The following PKD1L1 variants were observed in gnomAD, a reference collection of about 807,000 sequenced individuals.
The protein encoded by PKD1L1 is polycystin-1-like protein 1.
A neutral mutation model predicts 323.4 loss-of-function variants in PKD1L1; 236 were observed. That is an observed-to-expected ratio of 0.73 (90% CI 0.66 to 0.81). The LOEUF (loss-of-function observed/expected upper bound fraction) is 0.81, where lower values mean the gene tolerates loss of function less well. Among genes scored for constraint, PKD1L1 ranks in the 40% least tolerant of loss-of-function variants. PKD1L1 has a pLI of 0.00. For missense variants in PKD1L1, 3,320 were observed against 3,508.0 expected (o/e 0.95, Z 1.35); for synonymous variants, 1,344 against 1,335.0 (o/e 1.01, Z -0.15).
intron 24 of PKD1L1, among the ~76,000 whole-genome samples, chr7:47,870,903 G>A (rs1404617771): frequency 6.7e-6 from 1 of 149,236 alleles, no homozygotes; most frequent in Non-Finnish European, 1.5e-5. Context: ...AGCCTAGGAG[G>A]TCAAGGCTGC....
chr7:47,836,309 G>T (rs895925533), intron 37 of PKD1L1, among the ~76,000 whole-genome samples: 1 of 152,144 alleles, frequency 6.6e-6, no homozygotes, highest in African/African-American at 2.4e-5. Context: ...GCCACACTAC[G>T]ACCCAGCGGT....
intron 14 of PKD1L1, 69 bp from the exon 15 acceptor site, chr7:47,894,128 T>A: frequency 2.2e-6 from 3 of 1,395,098 alleles, no homozygotes; most frequent in Non-Finnish European, 2.9e-6. Flanking sequence ...AGAAACACAC[T>A]AGTCTGAAAA....
In PKD1L1 at chr7:47,822,543, C is replaced by T. The variant is rs1001020131; in HGVS notation, c.6855-1357G>A. Among the ~76,000 whole-genome samples the T allele has an allele frequency of 4.6e-5, 6 of 130,192 alleles. No individual in the cohort carries two copies. In the South Asian group the frequency reaches 1.0e-3, roughly 23 times the overall value. 85.4% of individuals were successfully genotyped at this position (130,192 alleles called of 152,430 possible). On this transcript the variant is annotated intron_variant, in intron 45 of 56. Transcript: ENST00000289672. ...TCGGGAGGCGGAGGTTGCAGTGAGCCGAGATCGCGCCATTGCGCTCCAGCC... is the reference window on the plus strand; with the variant it reads ...TCGGGAGGCGGAGGTTGCAGTGAGCTGAGATCGCGCCATTGCGCTCCAGCC...
intron 41 of PKD1L1, 138 bp from the exon 42 acceptor site, chr7:47,831,490 G>T (rs1045862203): frequency 3.9e-5 from 46 of 1,192,930 alleles, no homozygotes; most frequent in Non-Finnish European, 5.1e-5. Flanking sequence ...TGTGATTTTT[G>T]AGTGTGTTCG....
Position 47,908,191 on chromosome 7 carries a change from G to T in PKD1L1, c.1288C>A (p.Leu430Ile). The change falls in exon 9 of 57, where the codon CTT (leucine) becomes ATT (isoleucine). Residue 430 changes from leucine to isoleucine, a missense_variant. Transcript: ENST00000289672. Reference sequence around the variant, plus strand: ...CCAATCTCCACATAATAAGGCCCAAGCTCCACTTCGGTTCCATGAAACTCG... The same window carrying T: ...CCAATCTCCACATAATAAGGCCCAATCTCCACTTCGGTTCCATGAAACTCG... ...YNEFHGTEVE[L>I]GPYYVEIGHE... 6.2e-7 allele frequency: 1 copy of T among 1,614,166 alleles called. No individual in the cohort carries two copies. Among genetic ancestry groups the T allele is most frequent in the Non-Finnish European group, 8.5e-7 (1 of 1,180,026 alleles).
At chr7:47,797,485 G>A (rs1784568853) in intron 54 of PKD1L1, among the ~76,000 whole-genome samples, 1 of 152,246 alleles carries the variant, frequency 6.6e-6, no homozygotes, top group Non-Finnish European at 1.5e-5. Flanking sequence ...GGCCATTGGT[G>A]TGTAGGTCTG....
At position 47,775,119 on chromosome 7, in the gene PKD1L1, T is replaced by C. The variant is rs765948355; in HGVS notation, c.*24A>G. The C allele has an allele frequency of 6.2e-7, 1 of 1,613,292 alleles. No homozygotes were observed. Among genetic ancestry groups the C allele is most frequent in the East Asian group, 2.2e-5 (1 of 44,816 alleles). The stretch of plus-strand genomic sequence containing the variant: ...GGGTTAAGCAAAACAGGGTCCATAG[T>C]GCCTATGCAAGGTACCAGGCTCCTC... On this transcript the variant is annotated 3_prime_UTR_variant, in exon 57 of 57. Coordinates refer to ENST00000289672, the MANE Select transcript of PKD1L1 (RefSeq NM_138295.5).
chr7:47,850,777 T>C (rs1382953730), intron 31 of PKD1L1, among the ~76,000 whole-genome samples: 1 of 152,174 alleles, frequency 6.6e-6, no homozygotes, highest in Non-Finnish European at 1.5e-5. Context: ...GTGCTCTTAC[T>C]GTAATATATC....
chr7:47,909,787 T>C (rs915244384), intron 8 of PKD1L1, among the ~76,000 whole-genome samples: 4 of 152,232 alleles, frequency 2.6e-5, no homozygotes, highest in African/African-American at 9.6e-5. Context: ...TGGAATAATA[T>C]GTGGATCTAC....
At position 47,931,208 on chromosome 7, in the gene PKD1L1, C is replaced by G. The variant is rs1787765168; in HGVS notation, c.633G>C (p.Gly211=). 1.9e-6 allele frequency: 3 copies of G among 1,614,098 alleles called. No individual in the cohort carries two copies. The highest frequency in any genetic ancestry group is 2.7e-5 in the African/African-American group (2 of 74,934). ...AEDVATGLLP[G]TVTMETPTKV... is the part of the protein sequence containing the mutation. ...TGGTGGGGGTCTCCATCGTGACAGT[C>G]CCAGGAAGCAGCCCCGTGGCCACAT... The change falls in exon 6 of 57, where the codon GGG becomes GGC. Residue 211 remains glycine (G), a synonymous_variant. Transcript: ENST00000289672.
Position 47,858,701 on chromosome 7 carries a change from CCTT to C in PKD1L1, c.4331_4333del (p.Glu1444del), listed in dbSNP as rs752478384. ...CAATAAATCTGAGATGACTGTAATTCCTTCTTCATGTCGATAGACTTCCTCCTT... is the reference window on the plus strand; with the variant it reads ...CAATAAATCTGAGATGACTGTAATTCCTTCATGTCGATAGACTTCCTCCTT... On this transcript the variant is annotated inframe_deletion, in exon 27 of 57. Coordinates refer to ENST00000289672, the MANE Select transcript of PKD1L1 (RefSeq NM_138295.5). The C allele has an allele frequency of 6.2e-7, 1 of 1,613,754 alleles. No individual in the cohort carries two copies. The highest frequency in any genetic ancestry group is 8.5e-7 in the Non-Finnish European group (1 of 1,179,700).
chr7:47,852,856 A>T (rs1263150138), intron 31 of PKD1L1, among the ~76,000 whole-genome samples: 1 of 152,054 alleles, frequency 6.6e-6, no homozygotes, highest in Non-Finnish European at 1.5e-5. Context: ...GCAGAGCCCT[A>T]AGGATCAGGA....
In PKD1L1 at chr7:47,811,846, C is replaced by T. The variant is rs143415023; in HGVS notation, c.7552G>A (p.Ala2518Thr). The change falls in exon 50 of 57, where the codon GCC becomes ACC. Residue 2518 changes from alanine (A) to threonine (T), a missense_variant. By Grantham distance (58) the Ala-to-Thr change is moderately conservative. Transcript: ENST00000289672. ...ESFSIFRSDS[A>T]LQYHLMLPQL... The stretch of plus-strand genomic sequence containing the variant: ...GGAAGCATGAGGTGGTACTGCAGGG[C>T]TGAGTCGCTGCGGAAGATGCTGAAT... The T allele has an allele frequency of 1.9e-5, 30 of 1,608,338 alleles. No homozygotes were observed. The African/African-American group carries it at 3.5e-4, about 19-fold the overall frequency.
intron 1 of PKD1L1, among the ~76,000 whole-genome samples, chr7:47,947,760 G>A (rs1453392956): frequency 1.3e-5 from 2 of 152,180 alleles, no homozygotes; most frequent in Non-Finnish European, 2.9e-5. Context: ...AAGGTCAGGA[G>A]ATCGAGACCA....
At chr7:47,825,876 A>T (rs1295472240) in intron 45 of PKD1L1, among the ~76,000 whole-genome samples, 1 of 152,142 alleles carries the variant, frequency 6.6e-6, no homozygotes, top group Non-Finnish European at 1.5e-5. Flanking sequence ...TTAATTTTAT[A>T]ACCTAATACT....
intron 56 of PKD1L1, among the ~76,000 whole-genome samples, chr7:47,792,054 C>A (rs1786962349): frequency 6.6e-6 from 1 of 152,218 alleles, no homozygotes; most frequent in Non-Finnish European, 1.5e-5. Context: ...CGGCTTCCTG[C>A]ACGTTTTGTC....
chr7:47,785,751 T>C (rs528118067), intron 56 of PKD1L1, among the ~76,000 whole-genome samples: 44 of 151,492 alleles, frequency 2.9e-4, no homozygotes, highest in Non-Finnish European at 4.0e-4. Context: ...TTTCTTTTTT[T>C]TTTTTTTTGA....
chr7:47,891,207 G>A (rs1293660477), intron 15 of PKD1L1, among the ~76,000 whole-genome samples: 1 of 152,192 alleles, frequency 6.6e-6, no homozygotes, highest in Non-Finnish European at 1.5e-5. Context: ...ATGTATTTGG[G>A]AGGCCTCAGA....
intron 8 of PKD1L1, among the ~76,000 whole-genome samples, chr7:47,911,340 C>T (rs1361922728): frequency 6.6e-6 from 1 of 152,158 alleles, no homozygotes; most frequent in Non-Finnish European, 1.5e-5. Flanking sequence ...TGTCGGCACC[C>T]GTGCTTACTG....
Sources: allele counts gnomAD v4.1 joint callset (sites outside exome capture counted in the v4.1 genomes callset), GRCh38; gene constraint gnomAD v4.1.1; transcripts MANE v1.5; gene names NCBI Gene and HGNC (gene_info 2026-07-23, HGNC 2026-07-21).